RAP1GDS1: variants seen among roughly 807,000 people sequenced by gnomAD.
RAP1GDS1 encodes the protein RAP1, GTP-GDP dissociation stimulator 1.
A neutral mutation model predicts 71.1 loss-of-function variants in RAP1GDS1; 35 were observed. The ratio of observed to expected loss-of-function variants is 0.49; its 90% CI spans 0.38 to 0.65. RAP1GDS1 has a LOEUF of 0.65. Ranked by LOEUF, RAP1GDS1 falls within the 30% of genes least tolerant of loss-of-function variation. The probability of loss-of-function intolerance (pLI) is 0.00; values close to 1 mark genes in which losing one functional copy is unlikely to be tolerated. For missense variants in RAP1GDS1, 663 were observed against 706.1 expected, an observed-to-expected ratio of 0.94 and a Z score of 0.69; for synonymous variants, 229 against 243.1, an observed-to-expected ratio of 0.94 and a Z score of 0.54.
chr4:98,440,073 A>G (rs533772850), intron 14 of RAP1GDS1, among the ~76,000 whole-genome samples: 1 of 152,320 alleles, frequency 6.6e-6, no homozygotes, highest in African/African-American at 2.4e-5. Flanking sequence ...CACCACATAT[A>G]TGTGGAATAA....
chr4:98,433,975 C>T lies in RAP1GDS1; in HGVS notation c.1480C>T (p.His494Tyr), dbSNP rs1413630668. The T allele has an allele frequency of 6.2e-7, 1 of 1,610,844 alleles. No homozygotes were observed. The highest frequency in any genetic ancestry group is 1.1e-5 in the South Asian group (1 of 91,028). Residue 494 changes from histidine to tyrosine, a missense_variant, in exon 13 of 15, where the codon CAT becomes TAT. Physicochemically the swap from His to Tyr is moderately conservative, Grantham distance 83. Coordinates refer to ENST00000408927, the MANE Select transcript of RAP1GDS1 (RefSeq NM_001100427.2). ...CATTGTGCAGAGTGGTGGCATCAAG[C>T]ATCTAGTTACCATGGCAACTAGTGA... ...KTIVQSGGIKHLVTMATSEHV... is the reference protein window; with the variant it reads ...KTIVQSGGIKYLVTMATSEHV...
chr4:98,391,425 T>G (rs920631067), intron 5 of RAP1GDS1, among the ~76,000 whole-genome samples: 1 of 152,140 alleles, frequency 6.6e-6, no homozygotes, highest in African/African-American at 2.4e-5. Context: ...TCAAGAACAC[T>G]CTGGTTGCAA....
chr4:98,290,832 A>G (rs939204750), intron 1 of RAP1GDS1, among the ~76,000 whole-genome samples: 1 of 152,120 alleles, frequency 6.6e-6, no homozygotes, highest in African/African-American at 2.4e-5. Context: ...GTCCAGCTGA[A>G]TAAAAGAAGG....
intron 7 of RAP1GDS1, among the ~76,000 whole-genome samples, chr4:98,415,423 G>A (rs1747804317): frequency 6.6e-6 from 1 of 152,160 alleles, no homozygotes. Flanking sequence ...GTAAAGACAG[G>A]CATAAGAAAT....
At chr4:98,325,171 A>T (rs867004080) in intron 2 of RAP1GDS1, among the ~76,000 whole-genome samples, 5 of 151,914 alleles carry the variant, frequency 3.3e-5, no homozygotes, top group Non-Finnish European at 7.4e-5. Flanking sequence ...ACATGAAAAA[A>T]TGCTCACCAT....
chr4:98,421,390 C>A lies in RAP1GDS1; in HGVS notation c.1436C>A (p.Ser479Ter). The change falls in exon 12 of 15, where the codon TCA (serine) becomes TAA (stop). Residue 479 changes from serine (S) to a stop codon, truncating the protein, a stop_gained. Coordinates refer to ENST00000408927, the MANE Select transcript of RAP1GDS1 (RefSeq NM_001100427.2). LOFTEE classifies it high-confidence loss of function. The stretch of plus-strand genomic sequence containing the variant: ...TCTGCCCTTATACGACACAGTAAAT[C>A]AAAAGTAAGTTCCAGAGGAAACTGT... ...LLSALIRHSKSKDVIKTIVQS... is the reference protein window; with the variant it reads ...LLSALIRHSK 1.3e-6 allele frequency: 2 copies of A among 1,591,274 alleles called. No individual in the cohort carries two copies. Among genetic ancestry groups the A allele is most frequent in the South Asian group, 1.2e-5 (1 of 85,962 alleles).
intron 2 of RAP1GDS1, among the ~76,000 whole-genome samples, chr4:98,327,278 A>G (rs951395323): frequency 3.3e-5 from 5 of 152,324 alleles, no homozygotes; most frequent in East Asian, 3.9e-4. Context: ...ATGATAAACT[A>G]TGCATGTTTC....
chr4:98,300,763 A>T (rs1255446413), intron 2 of RAP1GDS1, among the ~76,000 whole-genome samples: 1 of 152,128 alleles, frequency 6.6e-6, no homozygotes, highest in Non-Finnish European at 1.5e-5. Context: ...AACAAAAAAA[A>T]CTGGTGTGAT....
chr4:98,335,497 C>G (rs761201252), intron 2 of RAP1GDS1, among the ~76,000 whole-genome samples: 4 of 151,898 alleles, frequency 2.6e-5, no homozygotes, highest in Non-Finnish European at 5.9e-5. Flanking sequence ...CAGGTGACTC[C>G]ATTTTGATTT....
intron 7 of RAP1GDS1, among the ~76,000 whole-genome samples, chr4:98,411,812 A>G (rs1747105110): frequency 6.6e-6 from 1 of 152,188 alleles, no homozygotes; most frequent in South Asian, 2.1e-4. Flanking sequence ...TTTCAGCATT[A>G]GAAGTTGGGA....
chr4:98,409,197 T>A (rs1746629729), intron 7 of RAP1GDS1: 1 of 152,132 alleles, frequency 6.6e-6, no homozygotes, highest in Non-Finnish European at 1.5e-5. Flanking sequence ...AGAATTTCTA[T>A]ATACCAAAAA....
intron 1 of RAP1GDS1, among the ~76,000 whole-genome samples, chr4:98,279,889 C>G (rs1350029063): frequency 6.6e-6 from 1 of 152,128 alleles, no homozygotes; most frequent in African/African-American, 2.4e-5. Context: ...ATAGTTTGCT[C>G]AGAATGATGG....
intron 4 of RAP1GDS1, among the ~76,000 whole-genome samples, chr4:98,362,281 A>C (rs1738849165): frequency 6.6e-6 from 1 of 152,110 alleles, no homozygotes; most frequent in Non-Finnish European, 1.5e-5. Context: ...GGAGTGCAAG[A>C]TTAGCCTGGG....
intron 5 of RAP1GDS1, among the ~76,000 whole-genome samples, chr4:98,388,349 C>T (rs1177707741): frequency 1.3e-5 from 2 of 152,030 alleles, no homozygotes; most frequent in East Asian, 3.9e-4. Flanking sequence ...TAATTTTTTT[C>T]CTGTTATCAC....
At chr4:98,287,007 C>A (rs1726150792) in intron 1 of RAP1GDS1, among the ~76,000 whole-genome samples, 1 of 151,426 alleles carries the variant, frequency 6.6e-6, no homozygotes, top group Non-Finnish European at 1.5e-5. Context: ...TTTAGTATAG[C>A]CCATTTTAAT....
At chr4:98,345,722 G>C (rs778397039) in intron 3 of RAP1GDS1, among the ~76,000 whole-genome samples, 1 of 152,128 alleles carries the variant, frequency 6.6e-6, no homozygotes, top group Non-Finnish European at 1.5e-5. Flanking sequence ...ATTTTATACA[G>C]ATAAGAAAAC....
intron 7 of RAP1GDS1, among the ~76,000 whole-genome samples, chr4:98,411,398 T>C (rs1747044424): frequency 1.3e-5 from 2 of 152,212 alleles, no homozygotes; most frequent in Non-Finnish European, 2.9e-5. Context: ...GAAGGATTGC[T>C]TGAGCCAGGA....
At chr4:98,392,226 TAA>T (rs1247373544) in intron 6 of RAP1GDS1, 146 bp downstream of exon 6, 3 of 770,096 alleles carry the variant, frequency 3.9e-6, no homozygotes, top group Non-Finnish European at 5.7e-6. Context: ...ATCAATATTT[TAA>T]AAAGTAAATC....
chr4:98,384,246 A>G (rs1055867925), intron 5 of RAP1GDS1, among the ~76,000 whole-genome samples: 30 of 151,550 alleles, frequency 2.0e-4, no homozygotes, highest in African/African-American at 7.2e-4. Context: ...TTTGAAGCCC[A>G]GTTTGTCACT....
Sources: gnomAD v4.1 joint callset for allele counts (sites outside exome capture counted in the v4.1 genomes callset) on GRCh38, gnomAD v4.1.1 for gene constraint, MANE v1.5 for transcripts, NCBI Gene and HGNC (gene_info 2026-07-23, HGNC 2026-07-21) for gene names.